The following POLA1 variants were observed in gnomAD, a reference collection of about 807,000 sequenced individuals.
POLA1 encodes DNA polymerase alpha catalytic subunit.
POLA1 carries 15 observed loss-of-function variants against 124.0 expected under a neutral mutation model. That is an observed-to-expected ratio of 0.12 (90% CI 0.08 to 0.19). The LOEUF (loss-of-function observed/expected upper bound fraction) is 0.19. Ranked by LOEUF, POLA1 falls within the 10% of genes least tolerant of loss-of-function variation. The pLI, the probability that POLA1 is intolerant of heterozygous loss-of-function variation, is 1.00. For synonymous variants in POLA1, 408 were observed against 389.4 expected, an observed-to-expected ratio of 1.05 and a Z score of -0.56; for missense variants, 886 against 1,103.4, an observed-to-expected ratio of 0.80 and a Z score of 2.79.
chrX:24,721,263 T>G (rs1930181617), intron 10 of POLA1, among the ~76,000 whole-genome samples: 1 of 112,623 alleles, frequency 8.9e-6, no homozygotes, highest in Admixed American at 9.4e-5. Flanking sequence ...CTTAAGAAAC[T>G]GAGGCTCTGA....
At chrX:24,905,288 C>G (rs1037940027) in intron 35 of POLA1, among the ~76,000 whole-genome samples, 1 of 108,299 alleles carries the variant, frequency 9.2e-6, no homozygotes, top group South Asian at 4.1e-4. Context: ...AATGAAAATA[C>G]CAACAATTTT....
At chrX:24,865,980 G>A (rs1482787696) in intron 34 of POLA1, among the ~76,000 whole-genome samples, 2 of 111,706 alleles carry the variant, frequency 1.8e-5, no homozygotes, top group Non-Finnish European at 3.8e-5. Context: ...ACAAAAATAC[G>A]ATGTTTTAGG....
At chrX:24,851,465 TC>T (rs1451656713) in intron 34 of POLA1, among the ~76,000 whole-genome samples, 3 of 112,910 alleles carry the variant, frequency 2.7e-5, no homozygotes, top group Non-Finnish European at 5.6e-5. Context: ...GCAGGATTGA[TC>T]AAGAGCCTTC....
At chrX:24,734,706 C>T (rs1333162440) in intron 17 of POLA1, among the ~76,000 whole-genome samples, 1 of 111,415 alleles carries the variant, frequency 9.0e-6, no homozygotes, top group Non-Finnish European at 1.9e-5. Context: ...AGCCTCCACT[C>T]CCTAGTTCAA....
At chrX:24,821,730 G>A in intron 31 of POLA1, 147 bp downstream of exon 31, 1 of 415,171 alleles carries the variant, frequency 2.4e-6, no homozygotes, top group Non-Finnish European at 4.1e-6. Flanking sequence ...AACATTAGAG[G>A]TGTGGCATAT....
Position 24,944,111 on chromosome X carries a change from C to A in POLA1, c.4261+13562C>A, listed in dbSNP as rs188227594. Among the ~76,000 whole-genome samples, 104 of 111,950 alleles carry A rather than the reference C, an allele frequency of 9.3e-4. 1 individual carries two copies. Among genetic ancestry groups the A allele is most frequent in the African/African-American group, 2.6e-3 (80 of 30,867 alleles). On this transcript the variant is annotated intron_variant, in intron 36 of 36. Coordinates refer to ENST00000379068, the MANE Select transcript of POLA1 (RefSeq NM_001330360.2). ...GACTAAGCCTACTTAAAAAAAATAT[C>A]TCTATAGTGCATGGTGCGCCAGGTT...
At chrX:24,810,244 G>A (rs1260273281) in intron 27 of POLA1, among the ~76,000 whole-genome samples, 2 of 111,175 alleles carry the variant, frequency 1.8e-5, no homozygotes, top group Non-Finnish European at 3.8e-5. Flanking sequence ...GGCACTCTTC[G>A]TGTTCTACTA....
At chrX:24,722,651 C>T (rs763898592) in intron 10 of POLA1, among the ~76,000 whole-genome samples, 71 of 112,519 alleles carry the variant, frequency 6.3e-4, no homozygotes, top group South Asian at 2.2e-3. Flanking sequence ...GAATTATATT[C>T]TCAGATCTGT....
At chrX:24,744,347 A>G (rs1931863001) in intron 23 of POLA1, 2 of 250,860 alleles carry the variant, frequency 8.0e-6, no homozygotes, top group African/African-American at 3.0e-5. Context: ...GTTAAGAGTA[A>G]TATCTACCAC....
chrX:24,786,681 A>ATTTT (rs1205219554), intron 26 of POLA1, among the ~76,000 whole-genome samples: 5 of 63,149 alleles, frequency 7.9e-5, no homozygotes, highest in African/African-American at 2.1e-4. Flanking sequence ...GGCTTGGCTA[A>ATTTT]TTTTTTTTTT....
intron 36 of POLA1, among the ~76,000 whole-genome samples, chrX:24,945,357 G>T (rs2047948663): frequency 8.9e-6 from 1 of 112,288 alleles, no homozygotes; most frequent in African/African-American, 3.2e-5. Flanking sequence ...GTTTTGTTCA[G>T]ATTTGTATCC....
chrX:24,846,426 C>T (rs1016983636), intron 34 of POLA1, among the ~76,000 whole-genome samples: 7 of 111,746 alleles, frequency 6.3e-5, no homozygotes, highest in African/African-American at 2.3e-4. Flanking sequence ...TGAAAGACTT[C>T]GAGGTAGCAC....
chrX:24,706,544 G>T (rs1449207273), intron 4 of POLA1, among the ~76,000 whole-genome samples: 12 of 112,087 alleles, frequency 1.1e-4, no homozygotes, highest in Non-Finnish European at 1.1e-4. Context: ...TATTTGATTG[G>T]TTGAAATCCA....
At chrX:24,969,965 G>A (rs2048280875) in intron 36 of POLA1, among the ~76,000 whole-genome samples, 1 of 112,315 alleles carries the variant, frequency 8.9e-6, no homozygotes, top group Admixed American at 9.4e-5. Flanking sequence ...ATCGTGGCTT[G>A]CAACTCCATC....
chrX:24,794,864 T>A (rs74647726), intron 26 of POLA1, among the ~76,000 whole-genome samples: 2 of 102,709 alleles, frequency 1.9e-5, no homozygotes, highest in East Asian at 5.8e-4. Flanking sequence ...TCGGCTTGCA[T>A]TTTTTTTTTT....
At chrX:24,869,922 A>G (rs11573448) in intron 34 of POLA1, among the ~76,000 whole-genome samples, 4,127 of 112,225 alleles carry the variant, frequency 0.037, 209 homozygotes, top group African/African-American at 0.13. Flanking sequence ...TAGACCCAGC[A>G]TGTTGCTTGC....
At chrX:24,784,059 C>CTTT (rs11295214) in intron 26 of POLA1, among the ~76,000 whole-genome samples, 15 of 59,500 alleles carry the variant, frequency 2.5e-4, no homozygotes, top group Non-Finnish European at 3.9e-4. Flanking sequence ...ATTTATATTT[C>CTTT]TTTTTTTTTT....
chrX:24,953,067 T>A (rs11573495), intron 36 of POLA1, among the ~76,000 whole-genome samples: 1 of 112,270 alleles, frequency 8.9e-6, no homozygotes, highest in Admixed American at 9.5e-5. Context: ...GAATGGATGC[T>A]CTTATCCCCA....
chrX:24,795,910 A>G (rs2045597996), intron 26 of POLA1, among the ~76,000 whole-genome samples: 1 of 111,611 alleles, frequency 9.0e-6, no homozygotes, highest in Non-Finnish European at 1.9e-5. Context: ...ACTGTGAGAC[A>G]TTTGATGTTA....
Sources: gnomAD v4.1 joint callset for allele counts (sites outside exome capture counted in the v4.1 genomes callset) on GRCh38, gnomAD v4.1.1 for gene constraint, MANE v1.5 for transcripts, NCBI Gene and HGNC (gene_info 2026-07-23, HGNC 2026-07-21) for gene names.